The following RBFOX1 variants were observed in gnomAD, a reference collection of about 807,000 sequenced individuals.
The protein encoded by RBFOX1 is RNA binding protein fox-1 homolog 1.
In RBFOX1, 8 loss-of-function variants were observed where a neutral mutation model predicts 57.7. The ratio of observed to expected loss-of-function variants is 0.14; its 90% CI spans 0.08 to 0.25. The LOEUF (loss-of-function observed/expected upper bound fraction) is 0.25. RBFOX1 is among the 10% of genes least tolerant of loss of function. RBFOX1 has a pLI of 1.00. For missense variants in RBFOX1, 611 were observed against 548.5 expected (o/e 1.11, Z -1.14); for synonymous variants, 326 against 222.4 (o/e 1.47, Z -4.15).
intron 2 of RBFOX1, among the ~76,000 whole-genome samples, chr16:6,523,183 C>T (rs963003790): frequency 1.3e-5 from 2 of 152,114 alleles, no homozygotes; most frequent in African/African-American, 4.8e-5. Flanking sequence ...GCTTACTCAT[C>T]TCTCTCTTCT....
intron 4 of RBFOX1, chr16:7,304,195 A>G: frequency 4.2e-6 from 4 of 948,178 alleles, no homozygotes; most frequent in Non-Finnish European, 4.9e-6. Flanking sequence ...AAAGAGGGGG[A>G]GAGAGACAGA....
intron 4 of RBFOX1, among the ~76,000 whole-genome samples, chr16:7,488,592 A>G (rs967263160): frequency 2.0e-5 from 3 of 151,164 alleles, no homozygotes; most frequent in African/African-American, 2.5e-5. Flanking sequence ...GACATCGTCT[A>G]TCTATACGTT....
rs116634435 is a variant in RBFOX1, at chr16:6,078,896, G to A, written c.-127+58904G>A. ...CTGAAAACTGTGCATGGTGGATCTT[G>A]TTAATGTGGTAAAAATGTCATCTGT... On this transcript the variant is annotated intron_variant, in intron 1 of 15. Coordinates refer to ENST00000550418, the MANE Select transcript of RBFOX1 (RefSeq NM_018723.4). 3.4e-3 allele frequency among the ~76,000 whole-genome samples: 518 copies of A among 152,318 alleles called. 3 individuals carry two copies. Among genetic ancestry groups the A allele is most frequent in the African/African-American group, 0.012 (495 of 41,572 alleles).
chr16:7,120,098 A>G (rs2066779352), intron 4 of RBFOX1, among the ~76,000 whole-genome samples: 1 of 152,080 alleles, frequency 6.6e-6, no homozygotes, highest in Admixed American at 6.6e-5. Flanking sequence ...AGTCTAAATC[A>G]CCCATAGTTC....
intron 3 of RBFOX1, among the ~76,000 whole-genome samples, chr16:5,806,828 T>C (rs893920041): frequency 6.6e-6 from 1 of 152,222 alleles, no homozygotes; most frequent in Non-Finnish European, 1.5e-5. Flanking sequence ...TCTGAAAGCC[T>C]TCACGTCGTC....
At chr16:7,273,509 C>T (rs1346698524) in intron 4 of RBFOX1, among the ~76,000 whole-genome samples, 1 of 152,064 alleles carries the variant, frequency 6.6e-6, no homozygotes, top group Non-Finnish European at 1.5e-5. Context: ...GAAATCCCAG[C>T]TTTAGCATAT....
intron 1 of RBFOX1, among the ~76,000 whole-genome samples, chr16:5,424,983 C>CTTTCTT (rs1567490644): frequency 1.2e-4 from 3 of 25,570 alleles, no homozygotes; most frequent in Non-Finnish European, 2.8e-4. Flanking sequence ...TCTTTCTTTT[C>CTTTCTT]TTTTCTTTTC....
intron 3 of RBFOX1, among the ~76,000 whole-genome samples, chr16:5,811,634 A>G (rs564015088): frequency 1.3e-5 from 2 of 151,920 alleles, no homozygotes; most frequent in South Asian, 2.1e-4. Context: ...TAATTTTAGT[A>G]GAGACAGGGT....
chr16:5,458,527 G>T (rs910381046), intron 1 of RBFOX1, among the ~76,000 whole-genome samples: 1 of 152,222 alleles, frequency 6.6e-6, no homozygotes, highest in African/African-American at 2.4e-5. Context: ...ATCAGGTACA[G>T]TTATTATTTT....
intron 2 of RBFOX1, among the ~76,000 whole-genome samples, chr16:6,652,588 C>T (rs1200150473): frequency 1.3e-5 from 2 of 152,064 alleles, no homozygotes; most frequent in Non-Finnish European, 2.9e-5. Flanking sequence ...CTGAGAGAGC[C>T]TTGACCTTGA....
intron 2 of RBFOX1, among the ~76,000 whole-genome samples, chr16:6,625,643 C>A (rs1340804212): frequency 6.6e-6 from 1 of 152,054 alleles, no homozygotes; most frequent in African/African-American, 2.4e-5. Context: ...TGTAGTTCCC[C>A]ACCGCCCCCG....
intron 1 of RBFOX1, among the ~76,000 whole-genome samples, chr16:5,379,030 G>T (rs1055017925): frequency 6.6e-6 from 1 of 151,270 alleles, no homozygotes; most frequent in Non-Finnish European, 1.5e-5. Flanking sequence ...CAATGTATTA[G>T]GTTGGCACAA....
intron 4 of RBFOX1, among the ~76,000 whole-genome samples, chr16:7,156,231 T>TAC (rs1025261101): frequency 4.6e-5 from 7 of 151,062 alleles, no homozygotes; most frequent in African/African-American, 1.2e-4. Flanking sequence ...TATATATATA[T>TAC]ACACACACAT....
At chr16:5,967,818 A>G (rs1162993373) in intron 4 of RBFOX1, among the ~76,000 whole-genome samples, 1 of 152,094 alleles carries the variant, frequency 6.6e-6, no homozygotes, top group African/African-American at 2.4e-5. Context: ...GTCAGTTTTT[A>G]CTACCATCAA....
At chr16:7,226,225 A>G (rs1325914346) in intron 4 of RBFOX1, among the ~76,000 whole-genome samples, 1 of 152,240 alleles carries the variant, frequency 6.6e-6, no homozygotes, top group Non-Finnish European at 1.5e-5. Context: ...TACTCAAGTC[A>G]GAAGCATGGA....
At chr16:6,172,410 C>A (rs2096968028) in intron 1 of RBFOX1, among the ~76,000 whole-genome samples, 1 of 152,132 alleles carries the variant, frequency 6.6e-6, no homozygotes, top group African/African-American at 2.4e-5. Context: ...CAGTTCCATC[C>A]CTGTGAGCAA....
intron 4 of RBFOX1, among the ~76,000 whole-genome samples, chr16:7,255,902 TA>T (rs1293972673): frequency 2.6e-5 from 4 of 152,306 alleles, no homozygotes; most frequent in African/African-American, 9.6e-5. Context: ...TCCGTTACCT[TA>T]TTGGATAGCA....
At chr16:6,658,770 C>A (rs964935679) in intron 3 of RBFOX1, among the ~76,000 whole-genome samples, 6 of 152,050 alleles carry the variant, frequency 3.9e-5, no homozygotes, top group Admixed American at 6.6e-5. Context: ...CCAAGCCCGC[C>A]AATTAGCAGA....
chr16:6,944,733 A>C (rs1485937941), intron 3 of RBFOX1, among the ~76,000 whole-genome samples: 1 of 152,172 alleles, frequency 6.6e-6, no homozygotes, highest in Non-Finnish European at 1.5e-5. Flanking sequence ...GCCCCTTGAC[A>C]TACATGGATA....
Sources: gnomAD v4.1 joint callset for allele counts (sites outside exome capture counted in the v4.1 genomes callset) on GRCh38, gnomAD v4.1.1 for gene constraint, MANE v1.5 for transcripts, NCBI Gene and HGNC (gene_info 2026-07-23, HGNC 2026-07-21) for gene names.